PPIP5K2: variants seen among roughly 807,000 people sequenced by gnomAD.
PPIP5K2 encodes inositol hexakisphosphate and diphosphoinositol-pentakisphosphate kinase 2.
In PPIP5K2, 105 loss-of-function variants were observed where a neutral mutation model predicts 154.6. The observed-to-expected ratio is 0.68, with a 90% CI of 0.58 to 0.80. The LOEUF is 0.80. Among genes scored for constraint, PPIP5K2 ranks in the 30% least tolerant of loss-of-function variants. The pLI is 0.00. For missense variants in PPIP5K2, 992 were observed against 1,504.6 expected (o/e 0.66, Z 5.64); for synonymous variants, 480 against 490.3 (o/e 0.98, Z 0.28).
chr5:103,151,189 C>A, intron 8 of PPIP5K2, 64 bp from the exon 9 acceptor site: 1 of 1,393,350 alleles, frequency 7.2e-7, no homozygotes, highest in South Asian at 1.4e-5. Flanking sequence ...TCTGATAGGA[C>A]TAGAAAACTG....
At position 103,189,286 on chromosome 5, in the gene PPIP5K2, C is replaced by A. The variant is rs1800860374; in HGVS notation, c.3353-1556C>A. The A allele has an allele frequency of 3.8e-6, 5 of 1,307,368 alleles. No homozygotes were observed. In the East Asian group the frequency reaches 1.3e-4, roughly 33 times the overall value. The allele number at this position is 1,307,368 out of a possible 1,614,324, so 81.0% of individuals were successfully genotyped here. On this transcript the variant is annotated intron_variant, in intron 28 of 30. Transcript: ENST00000358359. ...GTGGCTTTTTAAATTGCTGCGCTAA[C>A]CCTTTCATTGTGCATTAAAGGAAAA... is the stretch of plus-strand genomic sequence containing the variant.
At chr5:103,162,713 T>G (rs1231379753) in intron 17 of PPIP5K2, among the ~76,000 whole-genome samples, 2 of 152,168 alleles carry the variant, frequency 1.3e-5, no homozygotes, top group Non-Finnish European at 2.9e-5. Flanking sequence ...ATTTCCAAGT[T>G]CATTTTTTTC....
chr5:103,125,525 A>AG, intron 1 of PPIP5K2, among the ~76,000 whole-genome samples: 1 of 152,200 alleles, frequency 6.6e-6, no homozygotes, highest in East Asian at 1.9e-4. Context: ...AGAAAAAAAA[A>AG]GAAAGGCTTC....
intron 30 of PPIP5K2, among the ~76,000 whole-genome samples, chr5:103,198,280 A>T (rs1554229210): frequency 6.6e-6 from 1 of 152,064 alleles, no homozygotes; most frequent in Admixed American, 6.5e-5. Flanking sequence ...TGTGGGACTT[A>T]TGGCTTAACA....
At chr5:103,133,346 T>C in intron 2 of PPIP5K2, 107 bp from the exon 3 acceptor site, 1 of 782,466 alleles carries the variant, frequency 1.3e-6, no homozygotes. Context: ...GTGTCACTTT[T>C]ATTTATTAAT....
intron 19 of PPIP5K2, among the ~76,000 whole-genome samples, chr5:103,170,071 A>G (rs1562461821): frequency 1.3e-5 from 2 of 151,570 alleles, no homozygotes; most frequent in Non-Finnish European, 3.0e-5. Flanking sequence ...ACAACTGGGA[A>G]TGAAAAATTA....
chr5:103,141,571 C>G (rs566858189), intron 5 of PPIP5K2, among the ~76,000 whole-genome samples: 1 of 152,156 alleles, frequency 6.6e-6, no homozygotes, highest in Non-Finnish European at 1.5e-5. Flanking sequence ...CTGATGGGTG[C>G]GTTTACAATC....
chr5:103,163,664 C>T (rs553219555), intron 17 of PPIP5K2, among the ~76,000 whole-genome samples: 60 of 149,118 alleles, frequency 4.0e-4, no homozygotes, highest in African/African-American at 1.4e-3. Flanking sequence ...TATAGCTGCC[C>T]TTCAAAATAA....
chr5:103,192,436 A>C (rs1249571426), intron 29 of PPIP5K2, among the ~76,000 whole-genome samples: 3 of 152,052 alleles, frequency 2.0e-5, no homozygotes, highest in Admixed American at 2.0e-4. Context: ...CTTCACCCTT[A>C]ATGATGTTTC....
chr5:103,165,493 A>T (rs952828931), intron 17 of PPIP5K2, among the ~76,000 whole-genome samples: 3 of 152,118 alleles, frequency 2.0e-5, no homozygotes, highest in Non-Finnish European at 2.9e-5. Flanking sequence ...TTGTTATGAC[A>T]TGTCTGAACA....
intron 3 of PPIP5K2, among the ~76,000 whole-genome samples, chr5:103,136,366 C>A (rs1313964995): frequency 1.3e-5 from 2 of 152,228 alleles, no homozygotes; most frequent in East Asian, 3.9e-4. Flanking sequence ...ATGTTGAATA[C>A]ATTTTTTAAA....
chr5:103,156,241 C>T (rs888853221), intron 14 of PPIP5K2, among the ~76,000 whole-genome samples: 4 of 152,032 alleles, frequency 2.6e-5, no homozygotes, highest in Non-Finnish European at 5.9e-5. Context: ...CTTTTAACTG[C>T]GGGATTGTTT....
intron 30 of PPIP5K2, among the ~76,000 whole-genome samples, chr5:103,195,460 TAAAAAA>T (rs1431553611): frequency 6.6e-6 from 1 of 151,836 alleles, no homozygotes; most frequent in African/African-American, 2.4e-5. Flanking sequence ...TCTCAAGTAT[TAAAAAA>T]AGAAAAAAAA....
In PPIP5K2 at chr5:103,155,980, C is replaced by T; in HGVS notation, c.1475C>T (p.Ser492Phe). 6.3e-7 allele frequency: 1 copy of T among 1,587,560 alleles called. No individual in the cohort carries two copies. The highest frequency in any genetic ancestry group is 8.6e-7 in the Non-Finnish European group (1 of 1,156,244). Reference sequence around the variant, plus strand: ...CTCCCTCATGGTTGTCCTAAAACATCTAGTGAAGAGGAGGGTATGTTATTC... The same window carrying T: ...CTCCCTCATGGTTGTCCTAAAACATTTAGTGAAGAGGAGGGTATGTTATTC... ...TYLPHGCPKT[S>F]SEEEDSRREE... Residue 492 changes from serine (S) to phenylalanine (F), a missense_variant, in exon 14 of 31, where the codon TCT becomes TTT. Transcript: ENST00000358359.
intron 5 of PPIP5K2, among the ~76,000 whole-genome samples, chr5:103,144,710 A>G (rs1331603411): frequency 4.6e-5 from 7 of 152,170 alleles, no homozygotes; most frequent in Non-Finnish European, 8.8e-5. Flanking sequence ...GGAAAACTTG[A>G]TATCTATATC....
chr5:103,131,529 C>G (rs782811064), intron 2 of PPIP5K2, among the ~76,000 whole-genome samples: 9 of 152,050 alleles, frequency 5.9e-5, no homozygotes, highest in African/African-American at 9.7e-5. Flanking sequence ...TTCCATGTAT[C>G]ACAATTTATT....
chr5:103,158,724 C>T (rs1795785709), intron 16 of PPIP5K2, 151 bp downstream of exon 16: 2 of 592,204 alleles, frequency 3.4e-6, no homozygotes, highest in Non-Finnish European at 5.5e-6. Flanking sequence ...GAGTTTGAGA[C>T]AAGCCTGGGC....
At chr5:103,128,072 G>A (rs1302219799) in intron 1 of PPIP5K2, among the ~76,000 whole-genome samples, 172 of 152,198 alleles carry the variant, frequency 1.1e-3, no homozygotes, top group Non-Finnish European at 2.4e-4. Context: ...ATGTAACGCT[G>A]TATTTTAAAG....
chr5:103,142,370 C>T (rs1792916474), intron 5 of PPIP5K2, among the ~76,000 whole-genome samples: 1 of 152,200 alleles, frequency 6.6e-6, no homozygotes. Context: ...AGAACTCCAG[C>T]TGGCCCGCAA....
Sources: allele counts gnomAD v4.1 joint callset (sites outside exome capture counted in the v4.1 genomes callset), GRCh38; gene constraint gnomAD v4.1.1; transcripts MANE v1.5; gene names NCBI Gene and HGNC (gene_info 2026-07-23, HGNC 2026-07-21).